FOXP2: variants seen among roughly 807,000 people sequenced by gnomAD.
The protein encoded by FOXP2 is forkhead box P2.
FOXP2 carries 12 observed loss-of-function variants against 115.8 expected under a neutral mutation model. The ratio of observed to expected loss-of-function variants is 0.10; its 90% CI spans 0.07 to 0.17. The LOEUF is 0.17. Ranked by LOEUF, FOXP2 falls within the 10% of genes least tolerant of loss-of-function variation. FOXP2 has a pLI of 1.00. For missense variants in FOXP2, 629 were observed against 843.5 expected (o/e 0.75, Z 3.15); for synonymous variants, 328 against 297.7 (o/e 1.10, Z -1.05).
At chr7:114,422,699 C>G (rs1793673381) in intron 1 of FOXP2, among the ~76,000 whole-genome samples, 1 of 151,586 alleles carries the variant, frequency 6.6e-6, no homozygotes, top group Non-Finnish European at 1.5e-5. Flanking sequence ...GCTGAGATAA[C>G]ACAATTAACT....
chr7:114,233,551 C>A (rs962526367), intron 1 of FOXP2, among the ~76,000 whole-genome samples: 2 of 152,210 alleles, frequency 1.3e-5, no homozygotes, highest in African/African-American at 4.8e-5. Context: ...AGTGGATTAG[C>A]TGGGGCTCTG....
intron 3 of FOXP2, among the ~76,000 whole-genome samples, chr7:114,558,178 C>T (rs972085301): frequency 6.6e-6 from 1 of 151,986 alleles, no homozygotes; most frequent in Non-Finnish European, 1.5e-5. Flanking sequence ...TAATAAAACA[C>T]GTATGAAGTC....
intron 1 of FOXP2, among the ~76,000 whole-genome samples, chr7:114,266,683 G>A (rs1486084795): frequency 6.6e-6 from 1 of 152,098 alleles, no homozygotes; most frequent in East Asian, 1.9e-4. Context: ...ATGAAATTTT[G>A]GCGGGGCATC....
At chr7:114,612,658 C>T (rs914433873) in intron 3 of FOXP2, among the ~76,000 whole-genome samples, 5 of 152,102 alleles carry the variant, frequency 3.3e-5, no homozygotes, top group African/African-American at 1.2e-4. Context: ...GCTTGATACA[C>T]AGTACATTTT....
rs140145565 is a variant in FOXP2, at chr7:114,298,954, C to T, written c.-11+10845C>T. Among the ~76,000 whole-genome samples the T allele has an allele frequency of 5.4e-3, 818 of 152,126 alleles. 9 individuals carry two copies. Among genetic ancestry groups the T allele is most frequent in the African/African-American group, 0.018 (752 of 41,528 alleles). ...TATTAGTAAGAACTCATGAACCATA[C>T]GTACAAAATTAGAAATAATGACTTG... On this transcript the variant is annotated intron_variant, in intron 2 of 17. Coordinates refer to the FOXP2 transcript ENST00000634411.
At chr7:114,292,384 T>G (rs1796627651) in intron 2 of FOXP2, among the ~76,000 whole-genome samples, 1 of 152,188 alleles carries the variant, frequency 6.6e-6, no homozygotes, top group African/African-American at 2.4e-5. Context: ...CTATTCCTCT[T>G]TGCCTAAAAT....
intron 2 of FOXP2, among the ~76,000 whole-genome samples, chr7:114,382,315 G>A (rs578061653): frequency 1.1e-4 from 17 of 152,270 alleles, no homozygotes; most frequent in East Asian, 1.9e-4. Context: ...ATGGGCTGGC[G>A]CTTGCCCCGG....
At chr7:114,345,835 C>A (rs1487121927) in intron 2 of FOXP2, among the ~76,000 whole-genome samples, 1 of 151,686 alleles carries the variant, frequency 6.6e-6, no homozygotes, top group Non-Finnish European at 1.5e-5. Flanking sequence ...CTACTGTAGA[C>A]TTATGACAAA....
At chr7:114,086,499 C>G (rs528760373), upstream of FOXP2, 4 of 353,724 alleles carry the variant, frequency 1.1e-5, no homozygotes, top group African/African-American at 6.7e-5. Flanking sequence ...GCGCGCCCCC[C>G]ACTCGCGGCA....
chr7:114,675,151 C>A (rs561872374), intron 16 of FOXP2, among the ~76,000 whole-genome samples: 7 of 151,978 alleles, frequency 4.6e-5, no homozygotes, highest in Non-Finnish European at 5.9e-5. Flanking sequence ...CTAAACTTGT[C>A]GTTTTCATGA....
chr7:114,193,593 C>T (rs910743821), intron 1 of FOXP2, among the ~76,000 whole-genome samples: 6 of 151,834 alleles, frequency 4.0e-5, no homozygotes, highest in Non-Finnish European at 8.8e-5. Flanking sequence ...AAAGAATGTC[C>T]GGTGGGAAAT....
chr7:114,662,029 T>C, intron 13 of FOXP2, 36 bp from the exon 14 acceptor site: 1 of 1,610,752 alleles, frequency 6.2e-7, no homozygotes, highest in East Asian at 2.2e-5. Context: ...GACAATATTA[T>C]TTTTGCCATT....
At chr7:114,232,813 C>CAAAA (rs35497556) in intron 1 of FOXP2, among the ~76,000 whole-genome samples, 1 of 120,094 alleles carries the variant, frequency 8.3e-6, no homozygotes. Flanking sequence ...AACTCCGTCT[C>CAAAA]AAAAAAAAAA....
intron 2 of FOXP2, among the ~76,000 whole-genome samples, chr7:114,359,679 A>G (rs1447018610): frequency 6.6e-6 from 1 of 152,198 alleles, no homozygotes; most frequent in Admixed American, 6.5e-5. Context: ...TTGGCACTTT[A>G]AGATTTGACT....
chr7:114,150,313 T>C (rs1258957532), intron 1 of FOXP2, among the ~76,000 whole-genome samples: 1 of 152,036 alleles, frequency 6.6e-6, no homozygotes, highest in African/African-American at 2.4e-5. Context: ...AGTTTCTATG[T>C]TGTGTTGTCA....
At chr7:114,560,254 CA>C (rs1800697854) in intron 3 of FOXP2, among the ~76,000 whole-genome samples, 1 of 151,898 alleles carries the variant, frequency 6.6e-6, no homozygotes, top group Non-Finnish European at 1.5e-5. Context: ...GTGCTTTGTA[CA>C]ATGTAAAGTC....
At chr7:114,519,987 G>A (rs1798535154) in intron 2 of FOXP2, among the ~76,000 whole-genome samples, 1 of 152,070 alleles carries the variant, frequency 6.6e-6, no homozygotes, top group South Asian at 2.1e-4. Flanking sequence ...TAAAAAATAT[G>A]TATGATAAAA....
intron 1 of FOXP2, among the ~76,000 whole-genome samples, chr7:114,417,356 T>C (rs1324287282): frequency 6.6e-6 from 1 of 152,036 alleles, no homozygotes; most frequent in Non-Finnish European, 1.5e-5. Context: ...AAACAATGAA[T>C]TTTAAAAATT....
At chr7:114,230,659 C>T (rs1416668780) in intron 1 of FOXP2, among the ~76,000 whole-genome samples, 1 of 151,826 alleles carries the variant, frequency 6.6e-6, no homozygotes, top group African/African-American at 2.4e-5. Flanking sequence ...AACCATTTCA[C>T]AAAATTTAAC....
Sources: allele counts gnomAD v4.1 joint callset (sites outside exome capture counted in the v4.1 genomes callset), GRCh38; gene constraint gnomAD v4.1.1; transcripts MANE v1.5; gene names NCBI Gene and HGNC (gene_info 2026-07-23, HGNC 2026-07-21).